Variants in FLG observed in about 807,000 individuals in gnomAD.
The protein encoded by FLG is filaggrin.
FLG carries 6 observed loss-of-function variants against 3.8 expected under a neutral mutation model. The ratio of observed to expected loss-of-function variants is 1.60; its 90% CI spans 0.87 to 3.15. The LOEUF (loss-of-function observed/expected upper bound fraction) is 3.15, where lower values mean the gene tolerates loss of function less well. Ranked by LOEUF, FLG falls within the 30% of genes most tolerant of loss-of-function variation. The probability of loss-of-function intolerance (pLI) is 0.00; values close to 1 mark genes in which losing one functional copy is unlikely to be tolerated. For missense variants in FLG, 7,595 were observed against 5,050.9 expected (o/e 1.50, Z -15.27); for synonymous variants, 2,551 against 1,931.6 (o/e 1.32, Z -8.41).
rs1282283240 is a variant in FLG, at chr1:152,310,642, T to G, written c.4244A>C (p.Gln1415Pro). The change falls in exon 3 of 3, where the codon CAA (glutamine) becomes CCA (proline). Residue 1415 changes from glutamine (Q) to proline (P), a missense_variant. Physicochemically the swap from Gln to Pro is moderately conservative, Grantham distance 76. Transcript: ENST00000368799. ...GTGGCTCTGCTGATGGGGCCCAGCT[T>G]GTCCGTGGGCTGACACTGACTGTGT... ...SDTQSVSAHG[Q>P]AGPHQQSHKE... The G allele has an allele frequency of 4.3e-6, 7 of 1,614,074 alleles. No individual in the cohort carries two copies. Among genetic ancestry groups the G allele is most frequent in the South Asian group, 2.2e-5 (2 of 91,070 alleles).
At position 152,312,705 on chromosome 1, in the gene FLG, G is replaced by T. The variant is rs7512779; in HGVS notation, c.2181C>A (p.His727Gln). Reference protein sequence around the residue: ...ADSSRHSGTGHGQASSAVRDS... With the variant: ...ADSSRHSGTGQGQASSAVRDS... ...CTCTGACTGCAGATGAAGCTTGTCC[G>T]TGCCCAGTGCCTGAGTGTCTGGAGC... Residue 727 changes from histidine (H) to glutamine (Q), a missense_variant, in exon 3 of 3, where the codon CAC becomes CAA. Physicochemically the swap from His to Gln is conservative, Grantham distance 24 (BLOSUM62 0). Transcript: ENST00000368799. 38,752 of 1,613,956 alleles carry T rather than the reference G, an allele frequency of 0.024. 702 individuals are homozygous for T. Among genetic ancestry groups the T allele is most frequent in the South Asian group, 0.055 (5,025 of 91,062 alleles).
chr1:152,312,682 C>T lies in FLG; in HGVS notation c.2204G>A (p.Arg735Lys), dbSNP rs1410387639. 1 of 1,614,052 alleles carries T rather than the reference C, an allele frequency of 6.2e-7. No individual in the cohort carries two copies. Among genetic ancestry groups the T allele is most frequent in the South Asian group, 1.1e-5 (1 of 91,072 alleles). Residue 735 changes from arginine to lysine, a missense_variant, in exon 3 of 3, where the codon AGA (arginine) becomes AAA (lysine). Transcript: ENST00000368799. ...ACTGGACCCTCGGTGTCCACTGTCT[C>T]TGACTGCAGATGAAGCTTGTCCGTG... is the stretch of plus-strand genomic sequence containing the variant. ...TGHGQASSAV[R>K]DSGHRGSSGS...
chr1:152,313,189 C>G lies in FLG; in HGVS notation c.1697G>C (p.Ser566Thr). 2 of 1,613,894 alleles carry G rather than the reference C, an allele frequency of 1.2e-6. No individual in the cohort carries two copies. Among genetic ancestry groups the G allele is most frequent in the Admixed American group, 1.7e-5 (1 of 60,002 alleles). ...CTCATTTCGTGTTTGTCTGCTTGCA[C>G]TTCTGGATCCTGACTGCCCATGGGA... ...DASHGQSGSR[S>T]ASRQTRNEEQ... Residue 566 changes from serine (S) to threonine (T), a missense_variant, in exon 3 of 3, where the codon AGT becomes ACT. Ser to Thr is a moderately conservative substitution (Grantham distance 58, BLOSUM62 1). Transcript: ENST00000368799.
In FLG at chr1:152,309,087, C is replaced by T. The variant is rs1466121464; in HGVS notation, c.5799G>A (p.Arg1933=). ...DSQGHSEDSE[R]WSGSASRNHL... ...GGTTTCTGGAAGCAGACCCAGACCA[C>T]CTCTCAGAGTCTTCTGAGTGTCCCT... Residue 1933 remains arginine (R), a synonymous_variant, in exon 3 of 3, where the codon AGG becomes AGA. Transcript: ENST00000368799. 2 of 1,613,936 alleles carry T rather than the reference C, an allele frequency of 1.2e-6. No homozygotes were observed. The highest frequency in any genetic ancestry group is 2.2e-5 in the East Asian group (1 of 44,876).
At position 152,312,343 on chromosome 1, in the gene FLG, C is replaced by T. The variant is rs371056051; in HGVS notation, c.2543G>A (p.Ser848Asn). 1.2e-6 allele frequency: 2 copies of T among 1,612,110 alleles called. No homozygotes were observed. Among genetic ancestry groups the T allele is most frequent in the Non-Finnish European group, 1.7e-6 (2 of 1,179,480 alleles). ...QDTIRGHPGS[S>N]RRGRQGSHHE... The stretch of plus-strand genomic sequence containing the variant: ...GTGGGACCCCTGCCTTCCTCTTCTG[C>T]TTGACCCCGGGTGTCCACGAATGGT... Residue 848 changes from serine to asparagine, a missense_variant, in exon 3 of 3, where the codon AGC becomes AAC. By Grantham distance (46) the Ser-to-Asn change is conservative. Coordinates refer to ENST00000368799, the MANE Select transcript of FLG (RefSeq NM_002016.2).
rs756845204 is a variant in FLG, at chr1:152,308,175, C to G, written c.6711G>C (p.Arg2237Ser). ...QGQSSGPRTS[R>S]PRGSSVSQDS... ...CCTGGCTAACACTGGATCCCCGGGG[C>G]CTGCTTGTCCTGGGCCCTGATGATT... Residue 2237 changes from arginine (R) to serine (S), a missense_variant, in exon 3 of 3, where the codon AGG becomes AGC. Arg to Ser is a moderately radical substitution (Grantham distance 110). Coordinates refer to ENST00000368799, the MANE Select transcript of FLG (RefSeq NM_002016.2). 1 of 1,613,890 alleles carries G rather than the reference C, an allele frequency of 6.2e-7. No individual in the cohort carries two copies. The highest frequency in any genetic ancestry group is 1.1e-5 in the South Asian group (1 of 91,064).
In FLG at chr1:152,307,906, C is replaced by T. The variant is rs766196720; in HGVS notation, c.6980G>A (p.Gly2327Glu). 3.7e-6 allele frequency: 6 copies of T among 1,613,374 alleles called. No individual in the cohort carries two copies. Among genetic ancestry groups the T allele is most frequent in the South Asian group, 3.3e-5 (3 of 91,006 alleles). ...SSHEQARSSA[G>E]ERHGSHHQQS... ...CTGGTGGTGGGATCCGTGTCTCTCT[C>T]CTGCACTTGATCTTGCCTGTTCATG... The change falls in exon 3 of 3, where the codon GGA (glycine) becomes GAA (glutamate). Residue 2327 changes from glycine (G) to glutamate (E), a missense_variant. Coordinates refer to ENST00000368799, the MANE Select transcript of FLG (RefSeq NM_002016.2).
Position 152,307,574 on chromosome 1 carries a change from T to C in FLG, c.7312A>G (p.Arg2438Gly), listed in dbSNP as rs747525382. The C allele has an allele frequency of 3.8e-5, 62 of 1,613,740 alleles. No individual in the cohort carries two copies. The highest frequency in any genetic ancestry group is 5.5e-5 in the South Asian group (5 of 91,062). Reference sequence around the variant, plus strand: ...GCCTGCTTGTGGTGGGATCCTTGTCTTCCTCCAGTGCTGGTCCCGGTCCGT... The same window carrying C: ...GCCTGCTTGTGGTGGGATCCTTGTCCTCCTCCAGTGCTGGTCCCGGTCCGT... ...HGRTGTSTGG[R>G]QGSHHKQARD... The change falls in exon 3 of 3, where the codon AGA (arginine) becomes GGA (glycine). Residue 2438 changes from arginine (R) to glycine (G), a missense_variant. By Grantham distance (125) the Arg-to-Gly change is moderately radical. Coordinates refer to ENST00000368799, the MANE Select transcript of FLG (RefSeq NM_002016.2).
rs1651661887 is a variant in FLG at position 152,302,310 on chromosome 1, C to A, written c.*390G>T. 1 of 225,444 alleles carries A rather than the reference C, an allele frequency of 4.4e-6. No homozygotes were observed. The highest frequency in any genetic ancestry group is 8.8e-6 in the Non-Finnish European group (1 of 114,186). The allele number at this position is 225,444 out of a possible 1,614,324, so 14.0% of individuals were successfully genotyped here. The stretch of plus-strand genomic sequence containing the variant: ...GTGCTAGCCCTGATGTTGATATAGC[C>A]ACTTTGGTATACAGAACTGTTTTAT... On this transcript the variant is annotated 3_prime_UTR_variant, in exon 3 of 3. Transcript: ENST00000368799.
intron 1 of FLG, among the ~76,000 whole-genome samples, chr1:152,319,308 ATGTGTG>A (rs138449164): frequency 0.21 from 30,454 of 145,200 alleles, 3,734 homozygotes; most frequent in East Asian, 0.56. Flanking sequence ...CAACTAGAAA[ATGTGTG>A]TGTGTGTGTG....
Position 152,304,633 on chromosome 1 carries a change from GC to G in FLG, c.10252del (p.Ala3418HisfsTer37), listed in dbSNP as rs1303247932. 1 of 1,612,852 alleles carries G rather than the reference GC, an allele frequency of 6.2e-7. No individual in the cohort carries two copies. Among genetic ancestry groups the G allele is most frequent in the African/African-American group, 1.3e-5 (1 of 74,746 alleles). On this transcript the variant is annotated frameshift_variant, in exon 3 of 3. Coordinates refer to ENST00000368799, the MANE Select transcript of FLG (RefSeq NM_002016.2). LOFTEE classifies it low-confidence loss of function (END_TRUNC). Reference protein sequence around the residue: ...GRRQGSHHEQARDSSRHSASQ... With the variant: ...GRRQGSHHEQXRDSSRHSASQ... ...CGCTGAGTGCCTGGAGCTGTCTCGT[GC>G]CTGCTCGTGGTGGGATCCTTGTCTT...
rs761394031 is a variant in FLG at position 152,305,041 on chromosome 1, G to A, written c.9845C>T (p.Ser3282Phe). The part of the protein sequence containing the change: ...RQSGTRHAET[S>F]SGGQAASSHE... ...GGATGATGCAGCCTGTCCACCAGAGGAAGTCTCTGCGTGACGAGTGCCTGA... is the reference window on the plus strand; with the variant it reads ...GGATGATGCAGCCTGTCCACCAGAGAAAGTCTCTGCGTGACGAGTGCCTGA... The change falls in exon 3 of 3, where the codon TCC becomes TTC. Residue 3282 changes from serine to phenylalanine, a missense_variant. Transcript: ENST00000368799. 1.9e-6 allele frequency: 3 copies of A among 1,613,978 alleles called. No individual in the cohort carries two copies. The highest frequency in any genetic ancestry group is 2.2e-5 in the South Asian group (2 of 91,028).
rs757534632 is a variant in FLG, at chr1:152,311,036, C to G, written c.3850G>C (p.Glu1284Gln). The G allele has an allele frequency of 2.5e-6, 4 of 1,613,898 alleles. No individual in the cohort carries two copies. The highest frequency in any genetic ancestry group is 3.4e-6 in the Non-Finnish European group (4 of 1,179,974). The change falls in exon 3 of 3, where the codon GAG (glutamate) becomes CAG (glutamine). Residue 1284 changes from glutamate to glutamine, a missense_variant. Physicochemically the swap from Glu to Gln is conservative, Grantham distance 29. Transcript: ENST00000368799. The part of the protein sequence containing the change: ...SDSERHSDDS[E>Q]RLSGSASRNH... ...CTGGAAGCAGACCCAGACAACCTCT[C>G]GGAGTCGTCTGAGTGTCTCTCACTG...
Position 152,302,434 on chromosome 1 carries a change from A to G in FLG, c.*266T>C, listed in dbSNP as rs911979815. 1 of 466,382 alleles carries G rather than the reference A, an allele frequency of 2.1e-6. No individual in the cohort carries two copies. 28.9% of individuals were successfully genotyped at this position (466,382 alleles called of 1,614,324 possible). On this transcript the variant is annotated 3_prime_UTR_variant, in exon 3 of 3. Transcript: ENST00000368799. ...AAAAACATAAAACATTACTTGACCC[A>G]GAATCTCCTAAAATACTCCAGCTAG...
chr1:152,305,001 T>C lies in FLG; in HGVS notation c.9885A>G (p.Arg3295=). 1.2e-6 allele frequency: 2 copies of C among 1,613,768 alleles called. 1 individual carries two copies. Among genetic ancestry groups the C allele is most frequent in the Non-Finnish European group, 1.7e-6 (2 of 1,179,954 alleles). ...GQAASSHEQA[R]SSPGERHGSR... Reference sequence around the variant, plus strand: ...ATCCGTGTCTCTCTCCTGGACTTGATCTTGCCTGTTCATGGGATGATGCAG... The same window carrying C: ...ATCCGTGTCTCTCTCCTGGACTTGACCTTGCCTGTTCATGGGATGATGCAG... Residue 3295 remains arginine, a synonymous_variant, in exon 3 of 3, where the codon AGA becomes AGG. Coordinates refer to ENST00000368799, the MANE Select transcript of FLG (RefSeq NM_002016.2).
Position 152,303,188 on chromosome 1 carries a change from TGGAGCCATCTCTTGACTGCTCCCGAGAA to T in FLG, c.11670_11697del (p.Ser3891AspfsTer73). ...TCGCGGTGAGAGGATCCGGGGTGTC[TGGAGCCATCTCTTGACTGCTCCCGAGAA>T]GATCCATGATGGTTTCTGGAAGCAG... On this transcript the variant is annotated frameshift_variant, in exon 3 of 3. Transcript: ENST00000368799. LOFTEE classifies it low-confidence loss of function (END_TRUNC). The T allele has an allele frequency of 6.2e-7, 1 of 1,614,166 alleles. No individual in the cohort carries two copies. Among genetic ancestry groups the T allele is most frequent in the Non-Finnish European group, 8.5e-7 (1 of 1,180,036 alleles).
intron 1 of FLG, among the ~76,000 whole-genome samples, chr1:152,322,068 T>G (rs1179933154): frequency 6.6e-6 from 1 of 151,224 alleles, no homozygotes; most frequent in Admixed American, 6.6e-5. Context: ...GATGAAAAAT[T>G]GATAAAATCC....
In FLG at chr1:152,311,757, G is replaced by A. The variant is rs1652446139; in HGVS notation, c.3129C>T (p.Ser1043=). The change falls in exon 3 of 3, where the codon AGC becomes AGT. Residue 1043 remains serine, a synonymous_variant. Transcript: ENST00000368799. ...TGCGCGGAATGCCTGAGTGTCTGGA[G>A]CTGTCTGCTGACTGCTGGTGGCGGG... ...HGSRHQQSAD[S]SRHSGIPRRQ... is the part of the protein sequence containing the mutation. 1.9e-6 allele frequency: 3 copies of A among 1,614,118 alleles called. No homozygotes were observed. In the East Asian group the frequency reaches 6.7e-5, roughly 36 times the overall value.
At position 152,307,257 on chromosome 1, in the gene FLG, G is replaced by T; in HGVS notation, c.7629C>A (p.Ser2543Arg). The change falls in exon 3 of 3, where the codon AGC (serine) becomes AGA (arginine). Residue 2543 changes from serine to arginine, a missense_variant. Ser to Arg is a moderately radical substitution (Grantham distance 110, BLOSUM62 -1). Transcript: ENST00000368799. ...CCTGGCCCACCTGCGAGTGTCCAGA[G>T]CTGTCGGCCCGAGAGGAAGCTTCAT... Reference protein sequence around the residue: ...RHHEASSRADSSGHSQVGQGQ... With the variant: ...RHHEASSRADRSGHSQVGQGQ... 1.9e-6 allele frequency: 3 copies of T among 1,613,054 alleles called. No individual in the cohort carries two copies. The highest frequency in any genetic ancestry group is 2.5e-6 in the Non-Finnish European group (3 of 1,179,980).
Sources: allele counts gnomAD v4.1 joint callset (sites outside exome capture counted in the v4.1 genomes callset), GRCh38; gene constraint gnomAD v4.1.1; transcripts MANE v1.5; gene names NCBI Gene and HGNC (gene_info 2026-07-23, HGNC 2026-07-21).